HS6ST3: variants seen among roughly 807,000 people sequenced by gnomAD.
HS6ST3 encodes the protein heparan-sulfate 6-O-sulfotransferase 3.
HS6ST3 carries 12 observed loss-of-function variants against 36.7 expected under a neutral mutation model. The observed-to-expected ratio is 0.33, with a 90% CI of 0.21 to 0.53. The LOEUF is 0.53. Ranked by LOEUF, HS6ST3 falls within the 20% of genes least tolerant of loss-of-function variation. HS6ST3 has a pLI of 0.95. For missense variants in HS6ST3, 584 were observed against 640.9 expected (o/e 0.91, Z 0.96); for synonymous variants, 240 against 257.5 (o/e 0.93, Z 0.65).
rs369509747 is a variant in HS6ST3 at position 96,810,626 on chromosome 13, G to A, written c.708-21864G>A. Reference sequence around the variant, plus strand: ...GTTAAATAATTTGTTCAAGTAAGTGGTGTCAAAGCTTGGCTTCTGTCTAAT... The same window carrying A: ...GTTAAATAATTTGTTCAAGTAAGTGATGTCAAAGCTTGGCTTCTGTCTAAT... On this transcript the variant is annotated intron_variant, in intron 1 of 1. Coordinates refer to ENST00000376705, the MANE Select transcript of HS6ST3 (RefSeq NM_153456.4). Among the ~76,000 whole-genome samples, 35 of 152,302 alleles carry A rather than the reference G, an allele frequency of 2.3e-4. No individual in the cohort carries two copies. In the South Asian group the frequency reaches 6.8e-3, roughly 30 times the overall value.
intron 1 of HS6ST3, among the ~76,000 whole-genome samples, chr13:96,511,062 A>G (rs1243365475): frequency 6.6e-6 from 1 of 152,174 alleles, no homozygotes; most frequent in Non-Finnish European, 1.5e-5. Flanking sequence ...TAATTACACC[A>G]GGACAGTAGT....
intron 1 of HS6ST3, among the ~76,000 whole-genome samples, chr13:96,371,894 A>G (rs1444039801): frequency 2.6e-5 from 4 of 152,110 alleles, no homozygotes; most frequent in African/African-American, 9.7e-5. Context: ...CTGTTCGTGG[A>G]CGCTTAGGTT....
chr13:96,637,769 T>G (rs1445607711), intron 1 of HS6ST3, among the ~76,000 whole-genome samples: 3 of 152,124 alleles, frequency 2.0e-5, no homozygotes, highest in Non-Finnish European at 4.4e-5. Context: ...ACTTTCTTCC[T>G]CTCTAAATGG....
At chr13:96,757,812 A>G (rs367806101) in intron 1 of HS6ST3, among the ~76,000 whole-genome samples, 31 of 152,098 alleles carry the variant, frequency 2.0e-4, no homozygotes, top group Non-Finnish European at 4.1e-4. Context: ...CATTGCCTGG[A>G]CAAACCACAT....
intron 1 of HS6ST3, among the ~76,000 whole-genome samples, chr13:96,790,357 C>G (rs1296223730): frequency 1.3e-5 from 2 of 150,842 alleles, no homozygotes; most frequent in African/African-American, 4.9e-5. Context: ...TGGAAATGAT[C>G]AAAAACTTAT....
chr13:96,418,303 A>G (rs1001546604), intron 1 of HS6ST3, among the ~76,000 whole-genome samples: 2 of 152,260 alleles, frequency 1.3e-5, no homozygotes, highest in African/African-American at 2.4e-5. Context: ...AACATGCAGT[A>G]TGAATGACCG....
chr13:96,354,793 G>A (rs1473582287), intron 1 of HS6ST3, among the ~76,000 whole-genome samples: 2 of 152,102 alleles, frequency 1.3e-5, no homozygotes, highest in African/African-American at 4.8e-5. Context: ...TGAAAAAAAA[G>A]TCCATTAAAA....
chr13:96,365,899 A>G (rs986644104), intron 1 of HS6ST3, among the ~76,000 whole-genome samples: 2 of 152,168 alleles, frequency 1.3e-5, no homozygotes, highest in African/African-American at 4.8e-5. Flanking sequence ...AAAGCCCTGA[A>G]CCTAAATTTG....
At chr13:96,514,236 T>C (rs2056062796) in intron 1 of HS6ST3, among the ~76,000 whole-genome samples, 1 of 152,166 alleles carries the variant, frequency 6.6e-6, no homozygotes, top group African/African-American at 2.4e-5. Context: ...AGTAGGTTGA[T>C]GGAAGTAGAG....
At chr13:96,497,221 A>G (rs1247467679) in intron 1 of HS6ST3, among the ~76,000 whole-genome samples, 2 of 152,144 alleles carry the variant, frequency 1.3e-5, no homozygotes, top group Admixed American at 1.3e-4. Flanking sequence ...CAGCCCATCC[A>G]TGGATCAATC....
At chr13:96,517,970 A>C (rs923492640) in intron 1 of HS6ST3, among the ~76,000 whole-genome samples, 10 of 152,206 alleles carry the variant, frequency 6.6e-5, no homozygotes, top group African/African-American at 2.4e-4. Context: ...AATGCCCATC[A>C]GTGACAGACT....
At chr13:96,818,019 G>A (rs1878458634) in intron 1 of HS6ST3, among the ~76,000 whole-genome samples, 1 of 152,152 alleles carries the variant, frequency 6.6e-6, no homozygotes, top group South Asian at 2.1e-4. Context: ...CATGAAAAGT[G>A]GGATAGTGTC....
intron 1 of HS6ST3, among the ~76,000 whole-genome samples, chr13:96,467,469 TTACC>T (rs762340885): frequency 8.5e-5 from 13 of 152,198 alleles, no homozygotes; most frequent in Non-Finnish European, 1.8e-4. Flanking sequence ...TTTTGAATCT[TTACC>T]TTAGTAGAGT....
At chr13:96,129,998 A>C (rs1159435703) in intron 1 of HS6ST3, among the ~76,000 whole-genome samples, 1 of 152,184 alleles carries the variant, frequency 6.6e-6, no homozygotes, top group Non-Finnish European at 1.5e-5. Flanking sequence ...CAAATTAGCA[A>C]ACTAGTGTAG....
intron 1 of HS6ST3, among the ~76,000 whole-genome samples, chr13:96,291,736 G>T (rs972474313): frequency 3.3e-5 from 5 of 152,184 alleles, no homozygotes; most frequent in African/African-American, 1.2e-4. Flanking sequence ...GGAAAAAGAA[G>T]TGCTGCTAGC....
chr13:96,602,407 T>C (rs1029375536), intron 1 of HS6ST3, among the ~76,000 whole-genome samples: 2 of 152,222 alleles, frequency 1.3e-5, no homozygotes, highest in Non-Finnish European at 2.9e-5. Context: ...TATTTCATTC[T>C]TCATACACTG....
chr13:96,196,895 T>A (rs2054317051), intron 1 of HS6ST3, among the ~76,000 whole-genome samples: 1 of 152,230 alleles, frequency 6.6e-6, no homozygotes, highest in Admixed American at 6.5e-5. Flanking sequence ...ACTCACAGCC[T>A]TTGTTTTTCA....
chr13:96,214,845 A>G (rs1451816400), intron 1 of HS6ST3, among the ~76,000 whole-genome samples: 45 of 152,332 alleles, frequency 3.0e-4, no homozygotes, highest in Non-Finnish European at 1.3e-4. Flanking sequence ...TTAAGACCAA[A>G]ATTAAGAATT....
chr13:96,106,358 G>GCT (rs147780978), intron 1 of HS6ST3, among the ~76,000 whole-genome samples: 2,496 of 150,136 alleles, frequency 0.017, 59 homozygotes, highest in African/African-American at 0.058. Context: ...TCTGTCTCTT[G>GCT]CTCTCTCTCT....
Sources: gnomAD v4.1 joint callset for allele counts (sites outside exome capture counted in the v4.1 genomes callset) on GRCh38, gnomAD v4.1.1 for gene constraint, MANE v1.5 for transcripts, NCBI Gene and HGNC (gene_info 2026-07-23, HGNC 2026-07-21) for gene names.